Variants in ZRANB3 observed in about 807,000 individuals in gnomAD.
ZRANB3 encodes zinc finger RANBP2-type containing 3, also known as DNA annealing helicase and endonuclease ZRANB3.
In ZRANB3, 125 loss-of-function variants were observed where a neutral mutation model predicts 133.8. That is an observed-to-expected ratio of 0.93 (90% CI 0.81 to 1.08). The LOEUF (loss-of-function observed/expected upper bound fraction) is 1.08. ZRANB3 is among the 50% of genes least tolerant of loss of function. The pLI is 0.00. For synonymous variants in ZRANB3, 387 were observed against 432.7 expected, an observed-to-expected ratio of 0.89 and a Z score of 1.31; for missense variants, 1,229 against 1,275.5, an observed-to-expected ratio of 0.96 and a Z score of 0.56.
chr2:135,385,541 C>T, intron 3 of ZRANB3, among the ~76,000 whole-genome samples: 1 of 152,082 alleles, frequency 6.6e-6, no homozygotes, highest in Admixed American at 6.6e-5. Flanking sequence ...CAATCCTACA[C>T]AAAGAAAAAC....
chr2:135,447,497 T>C (rs1035308002), intron 2 of ZRANB3, among the ~76,000 whole-genome samples: 3 of 152,360 alleles, frequency 2.0e-5, no homozygotes, highest in Admixed American at 6.5e-5. Context: ...TTTTCTGAAG[T>C]ATCTTATGTT....
chr2:135,368,120 C>T (rs959751988), intron 3 of ZRANB3, among the ~76,000 whole-genome samples: 30 of 152,100 alleles, frequency 2.0e-4, no homozygotes, highest in African/African-American at 7.0e-4. Context: ...TCATCACATG[C>T]TAGTCACATT....
chr2:135,300,958 T>C (rs1356128717), intron 8 of ZRANB3, among the ~76,000 whole-genome samples: 1 of 152,104 alleles, frequency 6.6e-6, no homozygotes, highest in Non-Finnish European at 1.5e-5. Context: ...ACTTTCATAA[T>C]GTAGTTATAG....
intron 6 of ZRANB3, chr2:135,345,189 C>T (rs1684858544): frequency 5.9e-6 from 1 of 169,942 alleles, no homozygotes; most frequent in South Asian, 1.5e-4. Flanking sequence ...AATAGTCCAC[C>T]AATTATTTCA....
intron 19 of ZRANB3, among the ~76,000 whole-genome samples, chr2:135,205,816 A>T (rs1245698310): frequency 6.6e-6 from 1 of 152,200 alleles, no homozygotes; most frequent in Non-Finnish European, 1.5e-5. Flanking sequence ...GTGTGAGTGT[A>T]TATACACATA....
intron 2 of ZRANB3, among the ~76,000 whole-genome samples, chr2:135,470,012 C>CA (rs776949989): frequency 0.11 from 9,320 of 86,436 alleles, 679 homozygotes; most frequent in African/African-American, 0.27. Flanking sequence ...ACTCTTACCT[C>CA]AAAAAAAAAA....
At chr2:135,291,151 T>C (rs1443823460) in intron 8 of ZRANB3, among the ~76,000 whole-genome samples, 1 of 145,082 alleles carries the variant, frequency 6.9e-6, no homozygotes, top group Non-Finnish European at 1.5e-5. Context: ...CGTGAGCCAC[T>C]GCGCCTGGCC....
chr2:135,510,183 C>T (rs762528960), intron 1 of ZRANB3, among the ~76,000 whole-genome samples: 4 of 152,090 alleles, frequency 2.6e-5, no homozygotes, highest in African/African-American at 9.7e-5. Flanking sequence ...ATGAATGAAA[C>T]GTACCAAATG....
Position 135,389,920 on chromosome 2 carries a change from G to A in ZRANB3, c.180+882C>T, listed in dbSNP as rs1358971316. On this transcript the variant is annotated intron_variant, in intron 3 of 20. Coordinates refer to ENST00000264159, the MANE Select transcript of ZRANB3 (RefSeq NM_032143.4). ...TTTTGAGACGGAGTCTCACTCTGTCGCCCAAGCTGGAGTGCAGTGGCATGC... is the reference window on the plus strand; with the variant it reads ...TTTTGAGACGGAGTCTCACTCTGTCACCCAAGCTGGAGTGCAGTGGCATGC... Among the ~76,000 whole-genome samples, 4 of 119,866 alleles carry A rather than the reference G, an allele frequency of 3.3e-5. No homozygotes were observed. In the Admixed American group the frequency reaches 3.4e-4, roughly 10 times the overall value. 78.6% of individuals were successfully genotyped at this position (119,866 alleles called of 152,430 possible). A position where few individuals can be genotyped will look rare whatever the true frequency, so the allele number is the denominator to read the frequency against.
intron 10 of ZRANB3, 24 bp from the exon 11 acceptor site, chr2:135,269,165 T>C (rs1039285190): frequency 6.4e-7 from 1 of 1,569,496 alleles, no homozygotes; most frequent in African/African-American, 1.4e-5. Flanking sequence ...AGCAAATAAA[T>C]TGAGAATGTA....
chr2:135,427,141 T>C (rs974142283), intron 2 of ZRANB3, among the ~76,000 whole-genome samples: 2 of 151,560 alleles, frequency 1.3e-5, no homozygotes, highest in Non-Finnish European at 2.9e-5. Context: ...AGCATTCCCC[T>C]TTAGAACCAG....
chr2:135,322,575 G>T (rs1008708245), intron 6 of ZRANB3, among the ~76,000 whole-genome samples: 1 of 151,952 alleles, frequency 6.6e-6, no homozygotes, highest in African/African-American at 2.4e-5. Flanking sequence ...ACAATTAGCT[G>T]AGTGTGGTGT....
At chr2:135,497,136 GAAAT>G (rs1692708494) in intron 2 of ZRANB3, among the ~76,000 whole-genome samples, 1 of 152,156 alleles carries the variant, frequency 6.6e-6, no homozygotes, top group African/African-American at 2.4e-5. Flanking sequence ...TTCATGGAAT[GAAAT>G]ACTCTGTATT....
chr2:135,212,756 G>T (rs772466481), intron 17 of ZRANB3, among the ~76,000 whole-genome samples: 33 of 152,294 alleles, frequency 2.2e-4, no homozygotes, highest in Middle Eastern at 6.8e-3. Context: ...AGTGGAAGAT[G>T]GCAATTTTTG....
Position 135,314,332 on chromosome 2 carries a change from A to G in ZRANB3, c.850-727T>C, listed in dbSNP as rs977128163. On this transcript the variant is annotated intron_variant, in intron 7 of 20. Transcript: ENST00000264159. ...ATTAATATGAAGTACAAATATAATC[A>G]TATGTTGATTCCATTTTATTTTTCT... Among the ~76,000 whole-genome samples the G allele has an allele frequency of 9.2e-5, 14 of 152,336 alleles. 1 individual carries two copies. Among genetic ancestry groups the G allele is most frequent in the Admixed American group, 2.6e-4 (4 of 15,302 alleles).
chr2:135,221,768 C>T (rs1694564035), intron 15 of ZRANB3, among the ~76,000 whole-genome samples: 1 of 152,188 alleles, frequency 6.6e-6, no homozygotes. Context: ...GTGCTCCCTG[C>T]AGCCTGGTTC....
rs879507247 is a variant in ZRANB3, at chr2:135,216,619, T to A, written c.2495+846A>T. ...CTGGCTAATTTTTTTTTTTTTTTTT[T>A]ATAGAAACAGGGTCTCCCTGTGTTT... On this transcript the variant is annotated intron_variant, in intron 17 of 20. Transcript: ENST00000264159. 3.1e-3 allele frequency among the ~76,000 whole-genome samples: 467 copies of A among 151,424 alleles called. 2 individuals carry two copies. Among genetic ancestry groups the A allele is most frequent in the African/African-American group, 0.01 (427 of 41,222 alleles).
chr2:135,443,335 G>A (rs372573444), intron 2 of ZRANB3, among the ~76,000 whole-genome samples: 1 of 145,888 alleles, frequency 6.9e-6, no homozygotes, highest in East Asian at 2.1e-4. Context: ...GAGAATACAC[G>A]GACAATGGGA....
chr2:135,464,611 G>A (rs188872068), intron 2 of ZRANB3, among the ~76,000 whole-genome samples: 1,576 of 152,290 alleles, frequency 0.01, 26 homozygotes, highest in African/African-American at 0.036. Context: ...CCTGAGATAT[G>A]AGGCTAGTCC....
Sources: gnomAD v4.1 joint callset for allele counts (sites outside exome capture counted in the v4.1 genomes callset) on GRCh38, gnomAD v4.1.1 for gene constraint, MANE v1.5 for transcripts, NCBI Gene and HGNC (gene_info 2026-07-23, HGNC 2026-07-21) for gene names.